RBFOX1: variants seen among roughly 807,000 people sequenced by gnomAD.
RBFOX1 encodes the protein RNA binding fox-1 homolog 1, also known as RNA binding protein fox-1 homolog 1.
In RBFOX1, 8 loss-of-function variants were observed where a neutral mutation model predicts 57.7. The ratio of observed to expected loss-of-function variants is 0.14; its 90% CI spans 0.08 to 0.25. The LOEUF (loss-of-function observed/expected upper bound fraction) is 0.25. RBFOX1 is among the 10% of genes least tolerant of loss of function. The probability of loss-of-function intolerance (pLI) is 1.00; values close to 1 mark genes in which losing one functional copy is unlikely to be tolerated. For missense variants in RBFOX1, 611 were observed against 548.5 expected, an observed-to-expected ratio of 1.11 and a Z score of -1.14; for synonymous variants, 326 against 222.4, an observed-to-expected ratio of 1.47 and a Z score of -4.15.
chr16:6,968,829 T>G (rs1598670164), intron 3 of RBFOX1, among the ~76,000 whole-genome samples: 1 of 152,130 alleles, frequency 6.6e-6, no homozygotes, highest in South Asian at 2.1e-4. Context: ...TTGTTTTTTT[T>G]TTTTTAAAGA....
At chr16:6,144,857 C>T (rs956832864) in intron 1 of RBFOX1, among the ~76,000 whole-genome samples, 1 of 152,170 alleles carries the variant, frequency 6.6e-6, no homozygotes, top group Non-Finnish European at 1.5e-5. Context: ...AATCATCCCT[C>T]TTATGCAAGT....
At chr16:7,160,140 G>A (rs8060221) in intron 4 of RBFOX1, among the ~76,000 whole-genome samples, 11 of 152,060 alleles carry the variant, frequency 7.2e-5, no homozygotes, top group African/African-American at 2.4e-4. Flanking sequence ...ATTTTCAATT[G>A]TTTCAAAGGA....
intron 1 of RBFOX1, among the ~76,000 whole-genome samples, chr16:5,406,986 C>G (rs1454495346): frequency 1.3e-5 from 2 of 152,180 alleles, no homozygotes; most frequent in Admixed American, 1.3e-4. Context: ...AGTCCACTTT[C>G]ACACTGCTAT....
At chr16:7,139,184 G>GTGTGTGTGTGTGTATGTGTGTGTGTT (rs1567416209) in intron 4 of RBFOX1, among the ~76,000 whole-genome samples, 3 of 99,424 alleles carry the variant, frequency 3.0e-5, no homozygotes, top group African/African-American at 1.1e-4. Context: ...CTCTGTGTGT[G>GTGTGTGTGTGTGTATGTGTGTGTGTT]TGTGTGTGTG....
At chr16:5,433,306 G>A (rs577135596) in intron 1 of RBFOX1, among the ~76,000 whole-genome samples, 4 of 152,286 alleles carry the variant, frequency 2.6e-5, no homozygotes, top group South Asian at 2.1e-4. Flanking sequence ...GAACTTCACA[G>A]CAGGCATCTT....
At chr16:5,628,400 A>G (rs1474173855) in intron 3 of RBFOX1, among the ~76,000 whole-genome samples, 3 of 152,064 alleles carry the variant, frequency 2.0e-5, no homozygotes, top group African/African-American at 4.8e-5. Flanking sequence ...TTGAAAGCTC[A>G]GTCAAAAGGA....
In RBFOX1 at chr16:5,378,419, C is replaced by G. The variant is rs528265140; in HGVS notation, c.220-88797C>G. ...GCCCGCCCAGGATCGGGGAGTTAGCCTCCCTTCGAACACTCCAGGAAGAGT... is the reference window on the plus strand; with the variant it reads ...GCCCGCCCAGGATCGGGGAGTTAGCGTCCCTTCGAACACTCCAGGAAGAGT... On this transcript the variant is annotated intron_variant, in intron 1 of 2. Coordinates refer to the RBFOX1 transcript ENST00000585867. 9.2e-5 allele frequency among the ~76,000 whole-genome samples: 14 copies of G among 151,696 alleles called. 1 individual carries two copies. In the South Asian group the frequency reaches 2.9e-3, roughly 31 times the overall value.
intron 4 of RBFOX1, among the ~76,000 whole-genome samples, chr16:7,470,199 T>A (rs2061315378): frequency 6.6e-6 from 1 of 152,224 alleles, no homozygotes. Flanking sequence ...TTGGGTCATC[T>A]CTATCATAGA....
chr16:6,700,579 A>T (rs1201167927), intron 3 of RBFOX1, among the ~76,000 whole-genome samples: 2 of 151,928 alleles, frequency 1.3e-5, no homozygotes, highest in East Asian at 3.9e-4. Context: ...AATTGCTTGA[A>T]CCCGGGAGGC....
rs116247733 is a variant in RBFOX1 at position 6,788,411 on chromosome 16, T to C, written c.-16+133761T>C. On this transcript the variant is annotated intron_variant, in intron 3 of 15. Coordinates refer to ENST00000550418, the MANE Select transcript of RBFOX1 (RefSeq NM_018723.4). ...ATAATTATTATCGTCTCTCTGAAAA[T>C]AGTCAGCCTGCTTTGGACACAGGTG... 2.6e-3 allele frequency among the ~76,000 whole-genome samples: 403 copies of C among 152,108 alleles called. 2 individuals carry two copies. Among genetic ancestry groups the C allele is most frequent in the African/African-American group, 9.3e-3 (386 of 41,530 alleles).
intron 3 of RBFOX1, among the ~76,000 whole-genome samples, chr16:6,843,013 A>C (rs1024680807): frequency 1.3e-5 from 2 of 151,888 alleles, no homozygotes. Flanking sequence ...ATTCTTTTTT[A>C]TGGCTGCCTA....
chr16:5,248,815 C>A (rs192081660), intron 1 of RBFOX1, among the ~76,000 whole-genome samples: 2 of 152,028 alleles, frequency 1.3e-5, no homozygotes, highest in South Asian at 2.1e-4. Flanking sequence ...ATGTTGAAAG[C>A]CTGTCTCTAA....
intron 4 of RBFOX1, among the ~76,000 whole-genome samples, chr16:7,388,223 C>G (rs916577410): frequency 6.6e-6 from 1 of 152,088 alleles, no homozygotes; most frequent in Non-Finnish European, 1.5e-5. Flanking sequence ...TACAGACACA[C>G]AAGGTTGGTG....
At chr16:7,509,484 T>A (rs2074408877) in intron 4 of RBFOX1, among the ~76,000 whole-genome samples, 1 of 151,868 alleles carries the variant, frequency 6.6e-6, no homozygotes, top group Non-Finnish European at 1.5e-5. Context: ...AATTAGATCC[T>A]TACAATAATA....
At chr16:6,567,806 C>G (rs1324190571) in intron 2 of RBFOX1, among the ~76,000 whole-genome samples, 2 of 152,112 alleles carry the variant, frequency 1.3e-5, no homozygotes, top group Admixed American at 1.3e-4. Context: ...ACAAACCCCA[C>G]TATTTTTTTA....
chr16:6,480,499 T>G (rs886206793), intron 2 of RBFOX1, among the ~76,000 whole-genome samples: 2 of 152,238 alleles, frequency 1.3e-5, no homozygotes, highest in African/African-American at 4.8e-5. Context: ...CGAAATATTA[T>G]TCTTCTTTTG....
chr16:5,813,108 A>T (rs1018121932), intron 3 of RBFOX1, among the ~76,000 whole-genome samples: 5 of 151,808 alleles, frequency 3.3e-5, no homozygotes, highest in Admixed American at 2.6e-4. Context: ...CACAAGTTCA[A>T]GTGATTCTCC....
intron 1 of RBFOX1, chr16:5,270,502 A>ATGTT (rs1280109402): frequency 2.9e-6 from 2 of 679,300 alleles, no homozygotes; most frequent in African/African-American, 1.8e-5. Context: ...GTGACAAAAT[A>ATGTT]TGTTCCATGG....
chr16:6,396,441 C>G (rs532727884), intron 2 of RBFOX1, among the ~76,000 whole-genome samples: 1 of 152,238 alleles, frequency 6.6e-6, no homozygotes, highest in African/African-American at 2.4e-5. Flanking sequence ...CATAGATAGA[C>G]TAGGAAGGAA....
Sources: allele counts gnomAD v4.1 joint callset (sites outside exome capture counted in the v4.1 genomes callset), GRCh38; gene constraint gnomAD v4.1.1; transcripts MANE v1.5; gene names NCBI Gene and HGNC (gene_info 2026-07-23, HGNC 2026-07-21).